Variants in SMOC2 observed in about 807,000 individuals in gnomAD.
The protein encoded by SMOC2 is SPARC related modular calcium binding 2.
Under a neutral mutation model 61.4 loss-of-function variants are expected in SMOC2, and 39 were observed. The ratio of observed to expected loss-of-function variants is 0.64; its 90% confidence interval spans 0.49 to 0.83. The LOEUF (loss-of-function observed/expected upper bound fraction) is 0.83, where lower values mean the gene tolerates loss of function less well. SMOC2 is among the 40% of genes least tolerant of loss of function. The pLI, the probability that SMOC2 is intolerant of heterozygous loss-of-function variation, is 0.00. For missense variants in SMOC2, 556 were observed against 592.9 expected, an observed-to-expected ratio of 0.94 and a Z score of 0.65; for synonymous variants, 247 against 239.9, an observed-to-expected ratio of 1.03 and a Z score of -0.27.
chr6:168,523,659 A>G (rs549418996), intron 2 of SMOC2, among the ~76,000 whole-genome samples: 50 of 152,164 alleles, frequency 3.3e-4, no homozygotes, highest in African/African-American at 1.1e-3. Flanking sequence ...TCAGCCTCCC[A>G]AAGTGCTGGG....
In SMOC2 at chr6:168,629,742, A is replaced by G. The variant is rs148026448; in HGVS notation, c.908-20939A>G. Among the ~76,000 whole-genome samples the G allele has an allele frequency of 5.2e-3, 798 of 152,230 alleles. 7 individuals carry two copies. The highest frequency in any genetic ancestry group is 0.018 in the African/African-American group (750 of 41,528). ...GGCAGCTGACTCTGTGAACAGATGAATGTGTGTGGGGAAGCTGGTCCCAGA... is the reference window on the plus strand; with the variant it reads ...GGCAGCTGACTCTGTGAACAGATGAGTGTGTGTGGGGAAGCTGGTCCCAGA... On this transcript the variant is annotated intron_variant, in intron 9 of 12. Transcript: ENST00000356284.
At chr6:168,607,297 C>T (rs955137056) in intron 8 of SMOC2, among the ~76,000 whole-genome samples, 2 of 152,088 alleles carry the variant, frequency 1.3e-5, no homozygotes, top group African/African-American at 2.4e-5. Flanking sequence ...TCCTCCTTGC[C>T]CTACACCCAG....
intron 7 of SMOC2, among the ~76,000 whole-genome samples, chr6:168,556,595 C>CTT (rs67567793): frequency 2.3e-4 from 34 of 150,192 alleles, no homozygotes; most frequent in East Asian, 5.9e-4. Context: ...GCCTTGGGAT[C>CTT]TTTTTTTTTT....
chr6:168,442,765 A>G (rs996827854), intron 1 of SMOC2, among the ~76,000 whole-genome samples: 2 of 151,914 alleles, frequency 1.3e-5, no homozygotes, highest in African/African-American at 4.8e-5. Context: ...AGTGTGAAGG[A>G]TGGTTTGTGA....
intron 7 of SMOC2, among the ~76,000 whole-genome samples, chr6:168,574,135 C>T (rs150745667): frequency 1.6e-4 from 24 of 152,394 alleles, no homozygotes; most frequent in South Asian, 1.2e-3. Flanking sequence ...CATGTGATCT[C>T]TGTGGATAGA....
chr6:168,509,448 T>C (rs1015988300), intron 1 of SMOC2, among the ~76,000 whole-genome samples: 4 of 152,230 alleles, frequency 2.6e-5, no homozygotes. Flanking sequence ...TGTGGCACCA[T>C]TTAAATCAGG....
intron 9 of SMOC2, among the ~76,000 whole-genome samples, chr6:168,641,359 C>T (rs1786886584): frequency 6.6e-6 from 1 of 152,148 alleles, no homozygotes; most frequent in East Asian, 1.9e-4. Flanking sequence ...TTACCTGTAT[C>T]ACCATAAACC....
Position 168,535,621 on chromosome 6 carries a change from A to G in SMOC2, c.463+7894A>G, listed in dbSNP as rs1470640770. On this transcript the variant is annotated intron_variant, in intron 4 of 12. Transcript: ENST00000356284. This position sits in a 1 kb window ranked among gnomAD's most constrained non-coding sequence, Gnocchi z 4.6. ...ACGAAGCATAAAAGCCGGTGCCACA[A>G]AGTCCACCGAAACCCTCCTCCAAGT... is the stretch of plus-strand genomic sequence containing the variant. 6.6e-6 allele frequency among the ~76,000 whole-genome samples: 1 copy of G among 152,198 alleles called. No individual in the cohort carries two copies. The highest frequency in any genetic ancestry group is 1.5e-5 in the Non-Finnish European group (1 of 68,034).
At chr6:168,446,529 A>C (rs994372474) in intron 1 of SMOC2, among the ~76,000 whole-genome samples, 1 of 152,244 alleles carries the variant, frequency 6.6e-6, no homozygotes, top group African/African-American at 2.4e-5. Flanking sequence ...GTAATAGAGC[A>C]AGATCCCAGC....
chr6:168,558,990 T>A (rs1645580249), intron 7 of SMOC2, among the ~76,000 whole-genome samples: 1 of 152,378 alleles, frequency 6.6e-6, no homozygotes. Context: ...CACATGCATG[T>A]TTACTGTAAT....
chr6:168,449,334 T>C (rs1205653603), intron 1 of SMOC2, among the ~76,000 whole-genome samples: 1 of 152,204 alleles, frequency 6.6e-6, no homozygotes, highest in Non-Finnish European at 1.5e-5. Context: ...TTCCTGACAT[T>C]AGCAATCGAA....
intron 2 of SMOC2, among the ~76,000 whole-genome samples, chr6:168,518,840 TGC>T (rs1429701904): frequency 2.7e-4 from 40 of 150,324 alleles, no homozygotes; most frequent in African/African-American, 6.2e-4. Flanking sequence ...TGAGTGTGCA[TGC>T]GTGTGTGTGC....
intron 9 of SMOC2, among the ~76,000 whole-genome samples, chr6:168,642,261 G>A (rs1019602117): frequency 6.6e-6 from 1 of 152,222 alleles, no homozygotes; most frequent in Non-Finnish European, 1.5e-5. Flanking sequence ...GAAAACAGAA[G>A]TGAGGCACAG....
intron 8 of SMOC2, among the ~76,000 whole-genome samples, chr6:168,607,194 G>T (rs1785719457): frequency 6.6e-6 from 1 of 152,104 alleles, no homozygotes; most frequent in African/African-American, 2.4e-5. Flanking sequence ...GGGGGTGGGG[G>T]CTCCGGGAGG....
At chr6:168,488,161 A>G (rs1782379426) in intron 1 of SMOC2, among the ~76,000 whole-genome samples, 1 of 152,212 alleles carries the variant, frequency 6.6e-6, no homozygotes, top group Admixed American at 6.5e-5. Context: ...AATCTGGGTG[A>G]TTGCAGGCCT....
intron 9 of SMOC2, among the ~76,000 whole-genome samples, chr6:168,631,146 GCATCACGGAT>G (rs1224192692): frequency 6.6e-6 from 1 of 152,162 alleles, no homozygotes; most frequent in Admixed American, 6.5e-5. Flanking sequence ...GGCTTGTGGG[GCATCACGGAT>G]CCTACCAACG....
intron 1 of SMOC2, among the ~76,000 whole-genome samples, chr6:168,459,613 T>A (rs1583031683): frequency 8.2e-5 from 1 of 12,248 alleles, no homozygotes; most frequent in African/African-American, 3.3e-4. Flanking sequence ...CTGGGGTGGG[T>A]GAGCCCTGGG....
chr6:168,521,947 T>A (rs1050669786), intron 2 of SMOC2, among the ~76,000 whole-genome samples: 1 of 152,254 alleles, frequency 6.6e-6, no homozygotes, highest in African/African-American at 2.4e-5. Flanking sequence ...GTCCCGGCTC[T>A]GCAGGTAAGA....
chr6:168,500,314 A>G (rs1204094946), intron 1 of SMOC2, among the ~76,000 whole-genome samples: 2 of 151,774 alleles, frequency 1.3e-5, no homozygotes, highest in Admixed American at 6.6e-5. Context: ...AAGAAGAAGA[A>G]AAAAGAAAAA....
Sources: allele counts gnomAD v4.1 joint callset (sites outside exome capture counted in the v4.1 genomes callset), GRCh38; gene constraint gnomAD v4.1.1; non-coding constraint Gnocchi (gnomAD v3.1); transcripts MANE v1.5; gene names NCBI Gene and HGNC (gene_info 2026-07-23, HGNC 2026-07-21).